The following WDFY1 variants were observed in gnomAD, a reference collection of about 807,000 sequenced individuals.
WDFY1 encodes WD repeat and FYVE domain-containing protein 1.
WDFY1 carries 32 observed loss-of-function variants against 56.4 expected under a neutral mutation model. That is an observed-to-expected ratio of 0.57 (90% CI 0.43 to 0.76). WDFY1 has a LOEUF of 0.76. WDFY1 is among the 30% of genes least tolerant of loss of function. WDFY1 has a pLI of 0.00. For missense variants in WDFY1, 480 were observed against 545.7 expected (o/e 0.88, Z 1.20); for synonymous variants, 192 against 197.3 (o/e 0.97, Z 0.23).
chr2:223,922,787 C>T (rs915532295), intron 1 of WDFY1, among the ~76,000 whole-genome samples: 1 of 152,312 alleles, frequency 6.6e-6, no homozygotes, highest in South Asian at 2.1e-4. Flanking sequence ...AAGGTTGTCT[C>T]TTCCAACCAA....
Position 223,930,541 on chromosome 2 carries a change from T to C in WDFY1, c.138-12531A>G, listed in dbSNP as rs576757411. Among the ~76,000 whole-genome samples, 4 of 152,318 alleles carry C rather than the reference T, an allele frequency of 2.6e-5. No individual in the cohort carries two copies. The East Asian group carries it at 5.8e-4, about 22-fold the overall frequency. On this transcript the variant is annotated intron_variant, in intron 1 of 11. Transcript: ENST00000233055. ...AGACGGGGTTTCACCATGTTGACCATACTGGTCTCGAATTCCTGACCTCAC... is the reference window on the plus strand; with the variant it reads ...AGACGGGGTTTCACCATGTTGACCACACTGGTCTCGAATTCCTGACCTCAC...
At position 223,893,901 on chromosome 2, in the gene WDFY1, A is replaced by G. The variant is rs535918998; in HGVS notation, c.831+333T>C. Among the ~76,000 whole-genome samples, 19 of 152,352 alleles carry G rather than the reference A, an allele frequency of 1.2e-4. No homozygotes were observed. In the South Asian group the frequency reaches 3.1e-3, roughly 25 times the overall value. On this transcript the variant is annotated intron_variant, in intron 8 of 11. Coordinates refer to ENST00000233055, the MANE Select transcript of WDFY1 (RefSeq NM_020830.5). ...CCTACAGGAATGCTACGGGACCACAATGGTGCTTCGGAGGACCTCTATGCA... is the reference window on the plus strand; with the variant it reads ...CCTACAGGAATGCTACGGGACCACAGTGGTGCTTCGGAGGACCTCTATGCA...
At chr2:223,911,515 T>C (rs115287654) in intron 3 of WDFY1, among the ~76,000 whole-genome samples, 147 of 151,558 alleles carry the variant, frequency 9.7e-4, no homozygotes, top group African/African-American at 3.3e-3. Flanking sequence ...TTGCCAAAGA[T>C]AGTTTGAGAA....
intron 1 of WDFY1, among the ~76,000 whole-genome samples, chr2:223,918,610 TAC>T (rs1223097042): frequency 3.4e-5 from 5 of 148,090 alleles, no homozygotes; most frequent in African/African-American, 1.3e-4. Context: ...CAGCCTGGGC[TAC>T]AGAGTGAGAC....
intron 1 of WDFY1, among the ~76,000 whole-genome samples, chr2:223,941,592 T>C (rs1319173117): frequency 6.6e-6 from 1 of 152,094 alleles, no homozygotes; most frequent in Admixed American, 6.5e-5. Context: ...GCTGAATACA[T>C]AGGGGCCATC....
rs1276516341 is a variant in WDFY1 at position 223,875,946 on chromosome 2, A to C, written c.*2725T>G. 6.6e-6 allele frequency: 1 copy of C among 152,148 alleles called. No homozygotes were observed. The highest frequency in any genetic ancestry group is 1.9e-4 in the East Asian group (1 of 5,196). 9.4% of individuals were successfully genotyped at this position (152,148 alleles called of 1,614,324 possible). ...AAAAATATAGGTACTAACAAACTGA[A>C]TTCTTTCATGGGAGAACAAAGTAAT... On this transcript the variant is annotated 3_prime_UTR_variant, in exon 12 of 12. Coordinates refer to ENST00000233055, the MANE Select transcript of WDFY1 (RefSeq NM_020830.5).
At chr2:223,892,284 A>G (rs1403365497) in intron 8 of WDFY1, among the ~76,000 whole-genome samples, 1 of 152,182 alleles carries the variant, frequency 6.6e-6, no homozygotes, top group Non-Finnish European at 1.5e-5. Context: ...CACATCCTAT[A>G]CTATTGAGCC....
intron 3 of WDFY1, among the ~76,000 whole-genome samples, chr2:223,910,664 G>A (rs757379879): frequency 6.6e-6 from 1 of 152,042 alleles, no homozygotes; most frequent in Non-Finnish European, 1.5e-5. Context: ...AACATCACTA[G>A]TCATTAGGAA....
chr2:223,901,052 C>A, intron 5 of WDFY1, 131 bp downstream of exon 5: 3 of 1,125,544 alleles, frequency 2.7e-6, no homozygotes, highest in Non-Finnish European at 3.5e-6. Flanking sequence ...AAAAAAAATG[C>A]AATTACTTTT....
At chr2:223,909,913 T>C (rs530313328) in intron 3 of WDFY1, among the ~76,000 whole-genome samples, 6 of 152,338 alleles carry the variant, frequency 3.9e-5, no homozygotes, top group African/African-American at 9.6e-5. Flanking sequence ...CATCATGCTA[T>C]TCATCTGCTG....
intron 1 of WDFY1, among the ~76,000 whole-genome samples, chr2:223,931,546 C>T (rs1694072853): frequency 6.6e-6 from 1 of 152,178 alleles, no homozygotes; most frequent in Admixed American, 6.5e-5. Flanking sequence ...TTAAGGGAAT[C>T]ACTAAGTCTT....
chr2:223,888,865 G>A (rs1358181508), intron 8 of WDFY1, among the ~76,000 whole-genome samples: 2 of 148,912 alleles, frequency 1.3e-5, no homozygotes, highest in East Asian at 4.0e-4. Flanking sequence ...TGGGATTACA[G>A]GCGTGAGTCA....
At chr2:223,881,902 G>GTA in intron 10 of WDFY1, 40 bp downstream of exon 10, 1 of 1,608,300 alleles carries the variant, frequency 6.2e-7, no homozygotes, top group African/African-American at 1.3e-5. Context: ...TTAGACAGAT[G>GTA]TAATAAGAGG....
chr2:223,912,390 G>GATTT (rs2106089148), intron 2 of WDFY1, 64 bp from the exon 3 acceptor site: 1 of 1,387,780 alleles, frequency 7.2e-7, no homozygotes, highest in South Asian at 1.4e-5. Context: ...TCTTCAAAGT[G>GATTT]ATTAAGAACT....
rs767398500 is a variant in WDFY1, at chr2:223,945,222, C to G, written c.63G>C (p.Glu21Asp). 68 of 1,598,004 alleles carry G rather than the reference C, an allele frequency of 4.3e-5. No individual in the cohort carries two copies. The highest frequency in any genetic ancestry group is 5.5e-5 in the Non-Finnish European group (65 of 1,175,338). ...SSRPVLLSKI[E>D]GHQDAVTAAL... Reference sequence around the variant, plus strand: ...CGGCCGTGACGGCGTCCTGGTGCCCCTCGATCTTGCTCAGCAGCACCGGGC... The same window carrying G: ...CGGCCGTGACGGCGTCCTGGTGCCCGTCGATCTTGCTCAGCAGCACCGGGC... Residue 21 changes from glutamate (E) to aspartate (D), a missense_variant, in exon 1 of 12, where the codon GAG becomes GAC. Glu to Asp is a conservative substitution (Grantham distance 45). Coordinates refer to ENST00000233055, the MANE Select transcript of WDFY1 (RefSeq NM_020830.5).
At chr2:223,930,037 C>T (rs1224852920) in intron 1 of WDFY1, among the ~76,000 whole-genome samples, 2 of 152,166 alleles carry the variant, frequency 1.3e-5, no homozygotes, top group Admixed American at 6.5e-5. Context: ...TACTTTTTCC[C>T]CCCAAATAAA....
intron 9 of WDFY1, among the ~76,000 whole-genome samples, chr2:223,882,740 CAG>C (rs1693095465): frequency 1.4e-5 from 2 of 145,426 alleles, no homozygotes; most frequent in Admixed American, 6.9e-5. Flanking sequence ...TTTTTTTTTT[CAG>C]AGACAGGGTC....
intron 11 of WDFY1, 140 bp downstream of exon 11, chr2:223,879,984 A>G (rs516849): frequency 0.87 from 647,914 of 744,614 alleles, 289,141 homozygotes; most frequent in Non-Finnish European, 0.95. Context: ...GAGGCAAGCA[A>G]TTTGTTACTC....
At chr2:223,882,550 G>A (rs181224339) in intron 9 of WDFY1, among the ~76,000 whole-genome samples, 14 of 152,160 alleles carry the variant, frequency 9.2e-5, no homozygotes, top group Non-Finnish European at 1.2e-4. Flanking sequence ...CACTAGTCAA[G>A]GATTTCCAAA....
Sources: allele counts gnomAD v4.1 joint callset (sites outside exome capture counted in the v4.1 genomes callset), GRCh38; gene constraint gnomAD v4.1.1; transcripts MANE v1.5; gene names NCBI Gene and HGNC (gene_info 2026-07-23, HGNC 2026-07-21).